The following CDKL1 variants were observed in gnomAD, a reference collection of about 807,000 sequenced individuals.
CDKL1 encodes the protein cyclin dependent kinase like 1, also known as cyclin-dependent kinase-like 1.
A neutral mutation model predicts 42.0 loss-of-function variants in CDKL1; 41 were observed. That is an observed-to-expected ratio of 0.98 (90% confidence interval 0.76 to 1.27). The LOEUF is 1.27. Among genes scored for constraint, CDKL1 ranks in the 50% most tolerant of loss-of-function variants. The pLI is 0.00. For missense variants in CDKL1, 394 were observed against 428.4 expected, an observed-to-expected ratio of 0.92 and a Z score of 0.71; for synonymous variants, 153 against 158.6, an observed-to-expected ratio of 0.96 and a Z score of 0.26.
chr14:50,379,493 G>A (rs1480888531), intron 2 of CDKL1, among the ~76,000 whole-genome samples: 2 of 152,154 alleles, frequency 1.3e-5, no homozygotes, highest in East Asian at 1.9e-4. Flanking sequence ...AGGCTTTCTG[G>A]TTCTGATGAA....
At chr14:50,367,325 G>A (rs2139477810) in intron 2 of CDKL1, among the ~76,000 whole-genome samples, 1 of 152,314 alleles carries the variant, frequency 6.6e-6, no homozygotes, top group South Asian at 2.1e-4. Flanking sequence ...GGTGAGACCA[G>A]AAGCCAGATT....
chr14:50,332,813 A>G, intron 8 of CDKL1: 1 of 666,446 alleles, frequency 1.5e-6, no homozygotes, highest in East Asian at 2.8e-5. Context: ...TAAAAATGAT[A>G]TTTACACATG....
intron 2 of CDKL1, among the ~76,000 whole-genome samples, chr14:50,376,182 T>C (rs2034726939): frequency 6.6e-6 from 1 of 152,246 alleles, no homozygotes; most frequent in African/African-American, 2.4e-5. Flanking sequence ...GGTTCATTGA[T>C]TATAGTAACT....
intron 2 of CDKL1, among the ~76,000 whole-genome samples, chr14:50,391,100 T>C (rs2035244830): frequency 6.6e-6 from 1 of 152,198 alleles, no homozygotes. Context: ...CCCAAAATAC[T>C]GGGATTACAA....
intron 2 of CDKL1, among the ~76,000 whole-genome samples, chr14:50,385,070 C>CAAAAAAA (rs55719234): frequency 1.7e-4 from 16 of 93,550 alleles, no homozygotes; most frequent in East Asian, 3.7e-4. Flanking sequence ...GACTCTGTCT[C>CAAAAAAA]AAAAAAAAAA....
At chr14:50,330,246 T>C in intron 9 of CDKL1, 65 bp from the exon 10 acceptor site, 4 of 1,553,066 alleles carry the variant, frequency 2.6e-6, no homozygotes, top group Non-Finnish European at 3.4e-6. Flanking sequence ...TTATTTAGAA[T>C]ATATCACAAA....
chr14:50,372,015 G>GAGGGAGGCCA (rs530130228), intron 2 of CDKL1, among the ~76,000 whole-genome samples: 2 of 152,234 alleles, frequency 1.3e-5, no homozygotes, highest in Admixed American at 6.5e-5. Flanking sequence ...CTGAGCATAG[G>GAGGGAGGCCA]AGGGAGGCCA....
chr14:50,354,959 T>C, intron 3 of CDKL1, among the ~76,000 whole-genome samples: 1 of 152,030 alleles, frequency 6.6e-6, no homozygotes, highest in East Asian at 1.9e-4. Context: ...TCAATAACAA[T>C]CATAACTCAT....
rs779695611 is a variant in CDKL1, at chr14:50,366,290, A to T, written c.169-7141T>A. On this transcript the variant is annotated intron_variant, in intron 2 of 9. Coordinates refer to ENST00000395834, the MANE Select transcript of CDKL1 (RefSeq NM_004196.7). The stretch of plus-strand genomic sequence containing the variant: ...TGACCTTGAGCCGAGTCTAGAGGGT[A>T]AAGGTCTGACCAAACCAAGGGCAGG... Among the ~76,000 whole-genome samples the T allele has an allele frequency of 9.2e-5, 14 of 152,218 alleles. 2 individuals are homozygous for T. The highest frequency in any genetic ancestry group is 9.2e-4 in the Admixed American group (14 of 15,286).
intron 7 of CDKL1, chr14:50,335,493 T>G: frequency 6.5e-7 from 1 of 1,536,078 alleles, no homozygotes; most frequent in Non-Finnish European, 8.7e-7. Flanking sequence ...GGGGCATTCG[T>G]CAATCTCCTT....
intron 2 of CDKL1, among the ~76,000 whole-genome samples, chr14:50,394,729 C>T (rs1354707788): frequency 6.6e-6 from 1 of 152,198 alleles, no homozygotes; most frequent in African/African-American, 2.4e-5. Context: ...TTTACCTTCA[C>T]AGAAGTTCTG....
chr14:50,335,921 GAAA>G, intron 7 of CDKL1: 2 of 1,253,564 alleles, frequency 1.6e-6, no homozygotes, highest in South Asian at 2.8e-5. Flanking sequence ...GTCAACAGGA[GAAA>G]AAAAAAATCC....
chr14:50,397,203 C>T (rs908329047), upstream of CDKL1: 1 of 1,366,630 alleles, frequency 7.3e-7, no homozygotes, highest in Non-Finnish European at 9.8e-7. Context: ...TTCCCTGCAA[C>T]AGCAGTCCCC....
intron 2 of CDKL1, among the ~76,000 whole-genome samples, chr14:50,394,329 G>A (rs1016967669): frequency 1.3e-5 from 2 of 152,200 alleles, no homozygotes; most frequent in Non-Finnish European, 2.9e-5. Flanking sequence ...CCTGCCCATG[G>A]GAGCACTCCC....
chr14:50,349,019 T>A (rs1225913880), intron 3 of CDKL1, among the ~76,000 whole-genome samples: 1 of 152,008 alleles, frequency 6.6e-6, no homozygotes, highest in African/African-American at 2.4e-5. Context: ...AATTCAAAAA[T>A]TTTTTTCTGA....
At chr14:50,395,673 G>T (rs373045987) in intron 2 of CDKL1, 28 bp downstream of exon 2, 1 of 1,518,114 alleles carries the variant, frequency 6.6e-7, no homozygotes, top group Non-Finnish European at 9.1e-7. Flanking sequence ...TCTCGAAAAA[G>T]AAAAAAAAGG....
intron 2 of CDKL1, chr14:50,376,246 T>C (rs968436749): frequency 2.6e-6 from 1 of 381,312 alleles, no homozygotes; most frequent in Admixed American, 3.3e-5. Context: ...GCAGGGTATA[T>C]GGGAACTCTA....
intron 2 of CDKL1, among the ~76,000 whole-genome samples, chr14:50,387,418 G>T (rs374070597): frequency 6.6e-6 from 1 of 152,004 alleles, no homozygotes; most frequent in South Asian, 2.1e-4. Context: ...AGCTACTCAG[G>T]AGGCTGAGGC....
chr14:50,344,076 T>C (rs1356543059), intron 4 of CDKL1, among the ~76,000 whole-genome samples: 1 of 152,214 alleles, frequency 6.6e-6, no homozygotes, highest in African/African-American at 2.4e-5. Flanking sequence ...CTTTGGAATC[T>C]GGTTTCTATG....
Sources: allele counts gnomAD v4.1 joint callset (sites outside exome capture counted in the v4.1 genomes callset), GRCh38; gene constraint gnomAD v4.1.1; transcripts MANE v1.5; gene names NCBI Gene and HGNC (gene_info 2026-07-23, HGNC 2026-07-21).